SWAP70: variants seen among roughly 807,000 people sequenced by gnomAD.
SWAP70 encodes the protein switching B cell complex subunit SWAP70, also known as switch-associated protein 70.
Under a neutral mutation model 80.2 loss-of-function variants are expected in SWAP70, and 34 were observed. That is an observed-to-expected ratio of 0.42 (90% CI 0.32 to 0.56). SWAP70 has a LOEUF of 0.56. Ranked by LOEUF, SWAP70 falls within the 20% of genes least tolerant of loss-of-function variation. The pLI is 0.09. For synonymous variants in SWAP70, 239 were observed against 238.5 expected (o/e 1.00, Z -0.02); for missense variants, 578 against 690.7 (o/e 0.84, Z 1.83).
chr11:9,705,365 C>A (rs1386787670), intron 2 of SWAP70, among the ~76,000 whole-genome samples: 1 of 142,548 alleles, frequency 7.0e-6, no homozygotes, highest in Non-Finnish European at 1.5e-5. Flanking sequence ...TCTGTGTATA[C>A]TTGGTGATCT....
At chr11:9,726,868 A>AGCC (rs1460361529) in intron 4 of SWAP70, 3 of 456,178 alleles carry the variant, frequency 6.6e-6, no homozygotes, top group Non-Finnish European at 8.8e-6. Flanking sequence ...CACATTTAGA[A>AGCC]GCCAGTATTT....
chr11:9,734,616 A>G (rs1324899944), intron 7 of SWAP70, among the ~76,000 whole-genome samples: 1 of 152,180 alleles, frequency 6.6e-6, no homozygotes, highest in African/African-American at 2.4e-5. Context: ...ATTCTTAGAA[A>G]AAAACAGCTT....
At chr11:9,702,598 C>A (rs1282093351) in intron 2 of SWAP70, among the ~76,000 whole-genome samples, 1 of 151,418 alleles carries the variant, frequency 6.6e-6, no homozygotes, top group African/African-American at 2.4e-5. Context: ...TAATTTTTAA[C>A]TTTTTTTTGC....
chr11:9,725,557 A>G (rs1564829493), intron 4 of SWAP70, among the ~76,000 whole-genome samples: 1 of 10,298 alleles, frequency 9.7e-5, no homozygotes, highest in African/African-American at 3.2e-4. Context: ...ATATATATAT[A>G]TATATATATA....
rs557045983 is a variant in SWAP70, at chr11:9,742,957, G to T, written c.1355+2610G>T. ...GTACATGTGCACAATGTGCAGGTTT[G>T]TTACATATGTATACATGTGCCATGC... On this transcript the variant is annotated intron_variant, in intron 9 of 11. Transcript: ENST00000318950. 4.2e-5 allele frequency among the ~76,000 whole-genome samples: 6 copies of T among 142,070 alleles called. No individual in the cohort carries two copies. In the South Asian group the frequency reaches 1.4e-3, roughly 32 times the overall value. The allele number at this position is 142,070 out of a possible 152,430, so 93.2% of individuals were successfully genotyped here.
intron 2 of SWAP70, among the ~76,000 whole-genome samples, chr11:9,712,902 TG>T (rs35414173): frequency 0.21 from 32,656 of 152,076 alleles, 4,665 homozygotes; most frequent in Non-Finnish European, 0.31. Context: ...TCTCCATGTT[TG>T]TCAGGTTGGT....
rs1259920737 is a variant in SWAP70 at position 9,738,197 on chromosome 11, GT to G, written c.1081-11del. On this transcript the variant is annotated splice_polypyrimidine_tract_variant and intron_variant, in intron 7 of 11. Transcript: ENST00000318950. ...CTAACACCTGCTTTTCTGTGGATGG[GT>G]TTTTGATTGGCTAGAAACTGGAGGA... 1.9e-6 allele frequency: 3 copies of G among 1,593,976 alleles called. No individual in the cohort carries two copies. Among genetic ancestry groups the G allele is most frequent in the Admixed American group, 1.8e-5 (1 of 57,140 alleles).
intron 1 of SWAP70, among the ~76,000 whole-genome samples, chr11:9,666,212 A>G (rs1850305495): frequency 6.6e-6 from 1 of 151,140 alleles, no homozygotes; most frequent in Non-Finnish European, 1.5e-5. Flanking sequence ...CAGCCTCCCA[A>G]GTAGCTGGGA....
chr11:9,702,132 A>G (rs1374733322), intron 2 of SWAP70, among the ~76,000 whole-genome samples: 2 of 150,754 alleles, frequency 1.3e-5, no homozygotes, highest in African/African-American at 5.0e-5. Context: ...TTTCTAGTCT[A>G]ATATTTATGC....
intron 2 of SWAP70, among the ~76,000 whole-genome samples, chr11:9,710,996 TTTTATTTATTTA>T (rs71034734): frequency 2.7e-5 from 4 of 148,904 alleles, no homozygotes; most frequent in Non-Finnish European, 5.9e-5. Context: ...TGTTTTTTAT[TTTTATTTATTTA>T]TTTATTTATT....
chr11:9,672,468 A>T lies in SWAP70; in HGVS notation c.99+8190A>T, dbSNP rs182467469. Among the ~76,000 whole-genome samples the T allele has an allele frequency of 1.5e-3, 225 of 149,480 alleles. 1 individual carries two copies. The highest frequency in any genetic ancestry group is 5.4e-3 in the African/African-American group (220 of 40,680). Reference sequence around the variant, plus strand: ...TACCCATGACCTCCATGCTGAAGTGATCCTCCCACCTCAGCCTCCTGAGTA... The same window carrying T: ...TACCCATGACCTCCATGCTGAAGTGTTCCTCCCACCTCAGCCTCCTGAGTA... On this transcript the variant is annotated intron_variant, in intron 1 of 11. Coordinates refer to ENST00000318950, the MANE Select transcript of SWAP70 (RefSeq NM_015055.4).
At chr11:9,695,756 T>G (rs201279609) in intron 2 of SWAP70, among the ~76,000 whole-genome samples, 7 of 152,076 alleles carry the variant, frequency 4.6e-5, no homozygotes, top group Admixed American at 2.0e-4. Flanking sequence ...TGTTGTTGTT[T>G]TTGTTTTTAG....
chr11:9,693,545 A>G (rs1850720169), intron 1 of SWAP70, among the ~76,000 whole-genome samples: 1 of 152,072 alleles, frequency 6.6e-6, no homozygotes, highest in Non-Finnish European at 1.5e-5. Context: ...ATTCTTTTAT[A>G]CTCATGCTGA....
rs533884587 is a variant in SWAP70 at position 9,712,858 on chromosome 11, G to A, written c.241-608G>A. Among the ~76,000 whole-genome samples the A allele has an allele frequency of 1.1e-4, 17 of 151,484 alleles. No individual in the cohort carries two copies. The South Asian group carries it at 3.6e-3, about 32-fold the overall frequency. Reference sequence around the variant, plus strand: ...GGTTCAGGCATGCGCCACCACGCCCGGCTAATTTTTGTATTTTTACTAGAG... The same window carrying A: ...GGTTCAGGCATGCGCCACCACGCCCAGCTAATTTTTGTATTTTTACTAGAG... On this transcript the variant is annotated intron_variant, in intron 2 of 11. Coordinates refer to ENST00000318950, the MANE Select transcript of SWAP70 (RefSeq NM_015055.4).
intron 2 of SWAP70, among the ~76,000 whole-genome samples, 167 bp from the exon 3 acceptor site, chr11:9,713,299 G>C (rs933848446): frequency 7.2e-5 from 11 of 152,216 alleles, no homozygotes; most frequent in African/African-American, 2.2e-4. Context: ...CATCTTAATT[G>C]AGCCACTGAA....
At chr11:9,699,693 A>T (rs968839153) in intron 2 of SWAP70, among the ~76,000 whole-genome samples, 1 of 151,950 alleles carries the variant, frequency 6.6e-6, no homozygotes, top group Non-Finnish European at 1.5e-5. Context: ...TATCTCTATA[A>T]AAAAACTTAA....
At chr11:9,720,390 A>T (rs1851119154) in intron 3 of SWAP70, 1 of 985,450 alleles carries the variant, frequency 1.0e-6, no homozygotes, top group East Asian at 1.1e-4. Flanking sequence ...TGAGTTTGCT[A>T]CTAATAGGCG....
intron 8 of SWAP70, among the ~76,000 whole-genome samples, chr11:9,739,786 G>C (rs750923351): frequency 6.6e-6 from 1 of 152,124 alleles, no homozygotes; most frequent in Non-Finnish European, 1.5e-5. Flanking sequence ...GAAAAGGTTC[G>C]TTTGCTCTGA....
chr11:9,744,905 A>C (rs958183406), intron 9 of SWAP70, among the ~76,000 whole-genome samples: 1 of 152,108 alleles, frequency 6.6e-6, no homozygotes, highest in African/African-American at 2.4e-5. Flanking sequence ...AAAAAGAAAA[A>C]ATTAAGAAAA....
Sources: gnomAD v4.1 joint callset for allele counts (sites outside exome capture counted in the v4.1 genomes callset) on GRCh38, gnomAD v4.1.1 for gene constraint, MANE v1.5 for transcripts, NCBI Gene and HGNC (gene_info 2026-07-23, HGNC 2026-07-21) for gene names.